PDE4B: variants seen among roughly 807,000 people sequenced by gnomAD.
PDE4B encodes 3',5'-cyclic-AMP phosphodiesterase 4B.
A neutral mutation model predicts 82.2 loss-of-function variants in PDE4B; 20 were observed. That is an observed-to-expected ratio of 0.24 (90% confidence interval 0.17 to 0.35). The LOEUF (loss-of-function observed/expected upper bound fraction) is 0.35. Ranked by LOEUF, PDE4B falls within the 10% of genes least tolerant of loss-of-function variation. The pLI is 1.00. For synonymous variants in PDE4B, 320 were observed against 318.9 expected, an observed-to-expected ratio of 1.00 and a Z score of -0.04; for missense variants, 655 against 907.2, an observed-to-expected ratio of 0.72 and a Z score of 3.57.
rs1571076407 is a variant in PDE4B at position 65,890,222 on chromosome 1, T to C, written c.-70-23023T>C. ...TTGATTATTTGACTTAAATGAAATT[T>C]AAGATAATTTGCCTTATATTGGTTT... On this transcript the variant is annotated intron_variant, in intron 1 of 16. Coordinates refer to ENST00000341517, the MANE Select transcript of PDE4B (RefSeq NM_002600.4). Among the ~76,000 whole-genome samples the C allele has an allele frequency of 2.0e-5, 3 of 152,120 alleles. No homozygotes were observed. In the South Asian group the frequency reaches 6.2e-4, roughly 31 times the overall value.
intron 3 of PDE4B, among the ~76,000 whole-genome samples, chr1:66,067,409 T>C (rs1178823816): frequency 6.6e-6 from 1 of 152,132 alleles, no homozygotes; most frequent in Non-Finnish European, 1.5e-5. Flanking sequence ...TATCTCATTG[T>C]GGTTTTGATT....
chr1:66,166,571 T>G (rs979863899), intron 3 of PDE4B, among the ~76,000 whole-genome samples: 1 of 151,752 alleles, frequency 6.6e-6, no homozygotes, highest in African/African-American at 2.4e-5. Context: ...CCACCTCTAC[T>G]AAAAATAAAA....
intron 3 of PDE4B, among the ~76,000 whole-genome samples, chr1:66,211,740 T>A (rs1194352916): frequency 6.6e-6 from 1 of 152,228 alleles, no homozygotes; most frequent in Non-Finnish European, 1.5e-5. Flanking sequence ...CAAGTTTGCG[T>A]AACTTTGAAA....
At chr1:66,101,707 A>G (rs902496463) in intron 3 of PDE4B, among the ~76,000 whole-genome samples, 1 of 151,922 alleles carries the variant, frequency 6.6e-6, no homozygotes, top group African/African-American at 2.4e-5. Context: ...AATTTGTTTG[A>G]GTTCTTCGTA....
chr1:66,099,518 A>G (rs2101016405), intron 3 of PDE4B, among the ~76,000 whole-genome samples: 1 of 152,178 alleles, frequency 6.6e-6, no homozygotes, highest in Non-Finnish European at 1.5e-5. Flanking sequence ...CATTGTTCTA[A>G]TTCCTTTTTC....
chr1:65,822,020 T>C (rs1431074644), intron 1 of PDE4B, among the ~76,000 whole-genome samples: 1 of 152,210 alleles, frequency 6.6e-6, no homozygotes, highest in Admixed American at 6.5e-5. Context: ...TCCTTCTTCC[T>C]CCCTTCAAGG....
At chr1:66,090,139 A>G (rs1267830029) in intron 3 of PDE4B, among the ~76,000 whole-genome samples, 2 of 152,030 alleles carry the variant, frequency 1.3e-5, no homozygotes, top group Non-Finnish European at 2.9e-5. Context: ...GACCTTAGCT[A>G]ATATACAGAT....
intron 3 of PDE4B, among the ~76,000 whole-genome samples, chr1:66,105,322 A>G (rs1645325113): frequency 6.6e-6 from 1 of 151,646 alleles, no homozygotes; most frequent in South Asian, 2.1e-4. Flanking sequence ...TACCAGTACC[A>G]TGCTATTTTG....
chr1:66,028,768 A>G (rs71649207), intron 3 of PDE4B, among the ~76,000 whole-genome samples: 12,571 of 152,246 alleles, frequency 0.083, 971 homozygotes, highest in East Asian at 0.26. Context: ...TTAAAACATA[A>G]CAAGAGTCAC....
intron 1 of PDE4B, among the ~76,000 whole-genome samples, chr1:65,879,561 A>G (rs1216872147): frequency 6.6e-6 from 1 of 152,180 alleles, no homozygotes; most frequent in Non-Finnish European, 1.5e-5. Context: ...AGTCTAGAAA[A>G]GCTAAGAAAA....
chr1:65,997,357 A>G (rs1038646606), intron 3 of PDE4B, among the ~76,000 whole-genome samples: 1 of 152,126 alleles, frequency 6.6e-6, no homozygotes, highest in African/African-American at 2.4e-5. Flanking sequence ...CGTTTTAACA[A>G]AGGTTTATGA....
intron 9 of PDE4B, among the ~76,000 whole-genome samples, chr1:66,358,058 C>T (rs1168665662): frequency 6.6e-6 from 1 of 152,186 alleles, no homozygotes; most frequent in Non-Finnish European, 1.5e-5. Flanking sequence ...ACCATAAAGC[C>T]TTCTTCATAA....
chr1:66,277,149 C>T (rs778907725), intron 7 of PDE4B, among the ~76,000 whole-genome samples: 3 of 148,572 alleles, frequency 2.0e-5, no homozygotes, highest in African/African-American at 7.5e-5. Context: ...GATCGAGGGG[C>T]GGTGGTCCTG....
At chr1:66,366,114 C>G (rs117116187) in intron 13 of PDE4B, among the ~76,000 whole-genome samples, 5 of 152,092 alleles carry the variant, frequency 3.3e-5, no homozygotes, top group African/African-American at 1.2e-4. Flanking sequence ...GCAAAACTCT[C>G]GCACAGAGCA....
At chr1:66,195,966 T>C (rs534598221) in intron 3 of PDE4B, among the ~76,000 whole-genome samples, 2 of 151,552 alleles carry the variant, frequency 1.3e-5, no homozygotes, top group African/African-American at 4.9e-5. Context: ...CTGGCTGATA[T>C]GATTTACAAA....
chr1:66,106,855 T>TTG (rs1645372386), intron 3 of PDE4B, among the ~76,000 whole-genome samples: 1 of 60,094 alleles, frequency 1.7e-5, no homozygotes, highest in Non-Finnish European at 4.0e-5. Flanking sequence ...CTTGCTAGCA[T>TTG]TCTGTCAATT....
At chr1:65,932,146 T>C (rs879375307) in intron 3 of PDE4B, among the ~76,000 whole-genome samples, 1 of 151,660 alleles carries the variant, frequency 6.6e-6, no homozygotes, top group African/African-American at 2.4e-5. Flanking sequence ...TGGCATACTC[T>C]AGCTGCCTTG....
At chr1:66,058,781 T>G (rs1385207109) in intron 3 of PDE4B, among the ~76,000 whole-genome samples, 3 of 152,016 alleles carry the variant, frequency 2.0e-5, no homozygotes, top group Non-Finnish European at 4.4e-5. Context: ...AACCATTTTT[T>G]CCCCCTAGAC....
intron 3 of PDE4B, among the ~76,000 whole-genome samples, chr1:66,000,765 C>T (rs1651821259): frequency 6.6e-6 from 1 of 152,194 alleles, no homozygotes; most frequent in Admixed American, 6.6e-5. Context: ...CAAACTATAC[C>T]TCTCAAAACT....
Sources: gnomAD v4.1 joint callset for allele counts (sites outside exome capture counted in the v4.1 genomes callset) on GRCh38, gnomAD v4.1.1 for gene constraint, MANE v1.5 for transcripts, NCBI Gene and HGNC (gene_info 2026-07-23, HGNC 2026-07-21) for gene names.